The following AGPAT4 variants were observed in gnomAD, a reference collection of about 807,000 sequenced individuals.
The protein encoded by AGPAT4 is 1-acyl-sn-glycerol-3-phosphate acyltransferase delta.
AGPAT4 carries 15 observed loss-of-function variants against 48.0 expected under a neutral mutation model. The observed-to-expected ratio is 0.31, with a 90% CI of 0.21 to 0.48. The LOEUF (loss-of-function observed/expected upper bound fraction) is 0.48. Among genes scored for constraint, AGPAT4 ranks in the 20% least tolerant of loss-of-function variants. AGPAT4 has a pLI of 0.99. For missense variants in AGPAT4, 314 were observed against 482.5 expected (o/e 0.65, Z 3.27); for synonymous variants, 178 against 198.7 (o/e 0.90, Z 0.88).
chr6:161,165,353 A>G lies in AGPAT4; in HGVS notation c.348+895T>C, dbSNP rs1042159574. Among the ~76,000 whole-genome samples the G allele has an allele frequency of 3.3e-5, 5 of 152,164 alleles. No individual in the cohort carries two copies. Among genetic ancestry groups the G allele is most frequent in the Non-Finnish European group, 7.3e-5 (5 of 68,032 alleles). ...ACCCGTCTAGTTCCCTATGTCCTCC[A>G]TGGCCTGATAGCCTCTGTCTCCAAT... On this transcript the variant is annotated intron_variant, in intron 3 of 8. Coordinates refer to ENST00000320285, the MANE Select transcript of AGPAT4 (RefSeq NM_020133.3). The surrounding 1 kb of genome is among the most constrained non-coding windows in gnomAD (Gnocchi z 5.5).
chr6:161,273,433 C>CA (rs1171691364), intron 1 of AGPAT4, among the ~76,000 whole-genome samples: 3 of 152,076 alleles, frequency 2.0e-5, no homozygotes, highest in Non-Finnish European at 4.4e-5. Flanking sequence ...AAACTAGACA[C>CA]AAAATACAAA....
At position 161,243,046 on chromosome 6, in the gene AGPAT4, G is replaced by A. The variant is rs1038022895; in HGVS notation, c.-89-10744C>T. The stretch of plus-strand genomic sequence containing the variant: ...CCACTGCACTCCAGCTTGGGCGACA[G>A]AGCCAGACTCTGTCTCAAAAAAATT... On this transcript the variant is annotated intron_variant, in intron 1 of 8. Transcript: ENST00000320285. This position sits in a 1 kb window ranked among gnomAD's most constrained non-coding sequence, Gnocchi z 4.8. Among the ~76,000 whole-genome samples, 6 of 152,214 alleles carry A rather than the reference G, an allele frequency of 3.9e-5. No homozygotes were observed. The highest frequency in any genetic ancestry group is 3.4e-3 in the Middle Eastern group (1 of 292).
intron 1 of AGPAT4, among the ~76,000 whole-genome samples, chr6:161,263,261 A>G (rs957248823): frequency 6.6e-6 from 1 of 152,164 alleles, no homozygotes. Context: ...GACAAACAAC[A>G]GGCTGGGCGC....
chr6:161,169,140 C>A lies in AGPAT4; in HGVS notation c.179-2723G>T, dbSNP rs557418245. Among the ~76,000 whole-genome samples, 122 of 152,238 alleles carry A rather than the reference C, an allele frequency of 8.0e-4. No individual in the cohort carries two copies. Among genetic ancestry groups the A allele is most frequent in the Non-Finnish European group, 1.5e-3 (100 of 68,020 alleles). On this transcript the variant is annotated intron_variant, in intron 2 of 8. Coordinates refer to ENST00000320285, the MANE Select transcript of AGPAT4 (RefSeq NM_020133.3). This position sits in a 1 kb window ranked among gnomAD's most constrained non-coding sequence, Gnocchi z 5.0. ...GATGGAGAGAAACCCAGAGAGAGAA[C>A]ATCACAGAGACTTCTGGGTTACCAG...
Position 161,171,428 on chromosome 6 carries a change from G to GGCAA in AGPAT4, c.179-5015_179-5012dup, listed in dbSNP as rs1427093366. On this transcript the variant is annotated intron_variant, in intron 2 of 8. Coordinates refer to ENST00000320285, the MANE Select transcript of AGPAT4 (RefSeq NM_020133.3). The surrounding 1 kb of genome is among the most constrained non-coding windows in gnomAD (Gnocchi z 4.4). ...CATAGGGGAAGGCAGAAGGCAGAAGGGCAAGCAAGCATGTACTCAAGTGAG... is the reference window on the plus strand; with the variant it reads ...CATAGGGGAAGGCAGAAGGCAGAAGGGCAAGCAAGCAAGCATGTACTCAAGTGAG... Among the ~76,000 whole-genome samples the GGCAA allele has an allele frequency of 5.3e-5, 8 of 152,196 alleles. No individual in the cohort carries two copies. Among genetic ancestry groups the GGCAA allele is most frequent in the African/African-American group, 1.7e-4 (7 of 41,446 alleles).
chr6:161,260,974 AGAG>A (rs1445598297), intron 1 of AGPAT4, among the ~76,000 whole-genome samples: 1 of 152,250 alleles, frequency 6.6e-6, no homozygotes, highest in Non-Finnish European at 1.5e-5. Context: ...AAATCTCCTT[AGAG>A]GAGTGCACAC....
rs1206845560 is a variant in AGPAT4, at chr6:161,161,003, G to A, written c.348+5245C>T. On this transcript the variant is annotated intron_variant, in intron 3 of 8. Coordinates refer to ENST00000320285, the MANE Select transcript of AGPAT4 (RefSeq NM_020133.3). This position sits in a 1 kb window ranked among gnomAD's most constrained non-coding sequence, Gnocchi z 4.6. ...AGCACAGGCAGATGGGGCATCAGAG[G>A]GCCCTAAGCACAGAGCACGAAAGGG... 1 of 452,282 alleles carries A rather than the reference G, an allele frequency of 2.2e-6. No homozygotes were observed. Among genetic ancestry groups the A allele is most frequent in the Admixed American group, 2.4e-5 (1 of 41,916 alleles). 28.0% of individuals were successfully genotyped at this position (452,282 alleles called of 1,614,324 possible). A position where few individuals can be genotyped will look rare whatever the true frequency, so the allele number is the denominator to read the frequency against.
At chr6:161,183,059 C>T (rs1041553834) in intron 2 of AGPAT4, among the ~76,000 whole-genome samples, 2 of 152,172 alleles carry the variant, frequency 1.3e-5, no homozygotes, top group African/African-American at 4.8e-5. Context: ...CCTAGAGTTT[C>T]CTCCTGCCCC....
At chr6:161,153,569 C>T in intron 4 of AGPAT4, 70 bp from the exon 5 acceptor site, 1 of 1,560,728 alleles carries the variant, frequency 6.4e-7, no homozygotes, top group South Asian at 1.2e-5. Flanking sequence ...ATGCATGGCC[C>T]TGGGGTCACA....
At position 161,192,387 on chromosome 6, in the gene AGPAT4, G is replaced by A. The variant is rs373244970; in HGVS notation, c.179-25970C>T. ...TCTGGTCTCAAACTCCTGACCTCAG[G>A]TGATCTGCCCACTTCAGGCTCCCAA... On this transcript the variant is annotated intron_variant, in intron 2 of 8. Coordinates refer to ENST00000320285, the MANE Select transcript of AGPAT4 (RefSeq NM_020133.3). 3.9e-5 allele frequency among the ~76,000 whole-genome samples: 6 copies of A among 152,250 alleles called. No homozygotes were observed. In the East Asian group the frequency reaches 5.8e-4, roughly 15 times the overall value.
rs71542999 is a variant in AGPAT4, at chr6:161,215,707, TA to T, written c.178+16328del. Among the ~76,000 whole-genome samples, 9,751 of 124,702 alleles carry T rather than the reference TA, an allele frequency of 0.078. 338 individuals are homozygous for T. The highest frequency in any genetic ancestry group is 0.1 in the Middle Eastern group (24 of 240). 81.8% of individuals were successfully genotyped at this position (124,702 alleles called of 152,430 possible). A position where few individuals can be genotyped will look rare whatever the true frequency, so the allele number is the denominator to read the frequency against. On this transcript the variant is annotated intron_variant, in intron 2 of 8. Transcript: ENST00000320285. The surrounding 1 kb of genome is among the most constrained non-coding windows in gnomAD (Gnocchi z 4.5). ...CACAGTAGAATAACCTCCCTTACCA[TA>T]AAAAAAAAAAAAAAGAAAACACAAA...
chr6:161,194,629 T>A (rs558044236), intron 2 of AGPAT4, among the ~76,000 whole-genome samples: 1 of 122,660 alleles, frequency 8.2e-6, no homozygotes, highest in South Asian at 2.2e-4. Flanking sequence ...CATGTGTGTA[T>A]GTGTATGTGT....
At chr6:161,256,309 C>T (rs1004062532) in intron 1 of AGPAT4, among the ~76,000 whole-genome samples, 30 of 152,186 alleles carry the variant, frequency 2.0e-4, no homozygotes, top group African/African-American at 6.3e-4. Flanking sequence ...ACCCCAGGCA[C>T]GCATGGTGAC....
Position 161,249,773 on chromosome 6 carries a change from C to A in AGPAT4, c.-89-17471G>T, listed in dbSNP as rs982461397. Among the ~76,000 whole-genome samples the A allele has an allele frequency of 6.6e-6, 1 of 152,184 alleles. No individual in the cohort carries two copies. Among genetic ancestry groups the A allele is most frequent in the African/African-American group, 2.4e-5 (1 of 41,434 alleles). On this transcript the variant is annotated intron_variant, in intron 1 of 8. Coordinates refer to ENST00000320285, the MANE Select transcript of AGPAT4 (RefSeq NM_020133.3). This position sits in a 1 kb window ranked among gnomAD's most constrained non-coding sequence, Gnocchi z 6.2. ...TCGCAATTCCTCAAAGACCTAAAAA[C>A]AGAAATATCATTCGACCCAGCAATC...
rs141077770 is a variant in AGPAT4, at chr6:161,142,991, T to A, written c.844-3371A>T. 8.5e-4 allele frequency among the ~76,000 whole-genome samples: 129 copies of A among 152,356 alleles called. No individual in the cohort carries two copies. The highest frequency in any genetic ancestry group is 2.9e-3 in the African/African-American group (122 of 41,596). On this transcript the variant is annotated intron_variant, in intron 7 of 8. Coordinates refer to ENST00000320285, the MANE Select transcript of AGPAT4 (RefSeq NM_020133.3). This position sits in a 1 kb window ranked among gnomAD's most constrained non-coding sequence, Gnocchi z 6.4. The stretch of plus-strand genomic sequence containing the variant: ...GCACAGTGTTTCCCACGGGCCACCA[T>A]GCCTGCACCCTGAACTCTGCACCCC...
Position 161,143,207 on chromosome 6 carries a change from G to C in AGPAT4, c.843+3317C>G, listed in dbSNP as rs1779311419. On this transcript the variant is annotated intron_variant, in intron 7 of 8. Coordinates refer to ENST00000320285, the MANE Select transcript of AGPAT4 (RefSeq NM_020133.3). The surrounding 1 kb of genome is among the most constrained non-coding windows in gnomAD (Gnocchi z 4.7). ...CCCACTTCAGCTTCCCCAGTAGCTGGGACTACAGGTGTGTACCGCTAGGTG... is the reference window on the plus strand; with the variant it reads ...CCCACTTCAGCTTCCCCAGTAGCTGCGACTACAGGTGTGTACCGCTAGGTG... Among the ~76,000 whole-genome samples, 1 of 152,138 alleles carries C rather than the reference G, an allele frequency of 6.6e-6. No homozygotes were observed. Among genetic ancestry groups the C allele is most frequent in the Non-Finnish European group, 1.5e-5 (1 of 68,028 alleles).
chr6:161,198,351 G>A lies in AGPAT4; in HGVS notation c.179-31934C>T, dbSNP rs1303683772. On this transcript the variant is annotated intron_variant, in intron 2 of 8. Coordinates refer to ENST00000320285, the MANE Select transcript of AGPAT4 (RefSeq NM_020133.3). The surrounding 1 kb of genome is among the most constrained non-coding windows in gnomAD (Gnocchi z 4.3). The stretch of plus-strand genomic sequence containing the variant: ...TCCGGGGCATTTGGCAATGTCTGGA[G>A]ACATTTTTCATTGTCACGGTTTGGA... Among the ~76,000 whole-genome samples, 1 of 152,220 alleles carries A rather than the reference G, an allele frequency of 6.6e-6. No homozygotes were observed. The highest frequency in any genetic ancestry group is 1.5e-5 in the Non-Finnish European group (1 of 68,046).
rs954964335 is a variant in AGPAT4, at chr6:161,178,473, C to T, written c.179-12056G>A. ...CTCCTGGTGTGCCATTTGCTAAGACCGTTGGAAAAGCGCAGTATTAGGGTG... is the reference window on the plus strand; with the variant it reads ...CTCCTGGTGTGCCATTTGCTAAGACTGTTGGAAAAGCGCAGTATTAGGGTG... On this transcript the variant is annotated intron_variant, in intron 2 of 8. Coordinates refer to ENST00000320285, the MANE Select transcript of AGPAT4 (RefSeq NM_020133.3). The surrounding 1 kb of genome is among the most constrained non-coding windows in gnomAD (Gnocchi z 5.1). Among the ~76,000 whole-genome samples the T allele has an allele frequency of 3.3e-5, 5 of 152,338 alleles. No individual in the cohort carries two copies. The highest frequency in any genetic ancestry group is 1.9e-4 in the East Asian group (1 of 5,176).
intron 1 of AGPAT4, among the ~76,000 whole-genome samples, chr6:161,247,544 G>A (rs1363743244): frequency 6.6e-6 from 1 of 152,092 alleles, no homozygotes; most frequent in Non-Finnish European, 1.5e-5. Flanking sequence ...AAGTATTGAA[G>A]GAACGTTCCT....
Sources: gnomAD v4.1 joint callset for allele counts (sites outside exome capture counted in the v4.1 genomes callset) on GRCh38, gnomAD v4.1.1 for gene constraint, Gnocchi (gnomAD v3.1) non-coding constraint, MANE v1.5 for transcripts, NCBI Gene and HGNC (gene_info 2026-07-23, HGNC 2026-07-21) for gene names.